Variants in TACC2 observed in about 807,000 individuals in gnomAD.
The protein encoded by TACC2 is transforming acidic coiled-coil containing protein 2.
Under a neutral mutation model 227.3 loss-of-function variants are expected in TACC2, and 137 were observed. The ratio of observed to expected loss-of-function variants is 0.60; its 90% CI spans 0.52 to 0.69. The LOEUF (loss-of-function observed/expected upper bound fraction) is 0.69, where lower values mean the gene tolerates loss of function less well. TACC2 is among the 30% of genes least tolerant of loss of function. The pLI is 0.00. For synonymous variants in TACC2, 1,523 were observed against 1,487.5 expected, an observed-to-expected ratio of 1.02 and a Z score of -0.55; for missense variants, 3,470 against 3,694.4, an observed-to-expected ratio of 0.94 and a Z score of 1.57.
chr10:122,085,424 C>A lies in TACC2; in HGVS notation c.2924C>A (p.Ala975Glu). ...GATGTCTTAAAAGACTTTTCTCTTG[C>A]AGGGAACTTCAGCAGAAAGGAAACT... is the stretch of plus-strand genomic sequence containing the variant. ...AADVLKDFSLAGNFSRKETCC... is the reference protein window; with the variant it reads ...AADVLKDFSLEGNFSRKETCC... The change falls in exon 4 of 23, where the codon GCA (alanine) becomes GAA (glutamate). Residue 975 changes from alanine to glutamate, a missense_variant. This residue lies in a region of TACC2 where 1,924 missense variants were observed against 1,978.3 expected (regional missense o/e 0.97). Transcript: ENST00000369005. 1 of 1,613,868 alleles carries A rather than the reference C, an allele frequency of 6.2e-7. No individual in the cohort carries two copies. Among genetic ancestry groups the A allele is most frequent in the Non-Finnish European group, 8.5e-7 (1 of 1,180,052 alleles).
At chr10:121,992,547 G>C (rs1043002198) in intron 1 of TACC2, among the ~76,000 whole-genome samples, 27 of 152,210 alleles carry the variant, frequency 1.8e-4, no homozygotes, top group African/African-American at 6.0e-4. Context: ...ACATCATCAT[G>C]ATTAAGTCAT....
intron 7 of TACC2, chr10:122,163,773 C>T: frequency 8.2e-7 from 1 of 1,220,410 alleles, no homozygotes; most frequent in Non-Finnish European, 1.0e-6. Context: ...CTCCCTGCCG[C>T]CGCTCCCGCC....
intron 7 of TACC2, among the ~76,000 whole-genome samples, chr10:122,189,452 T>C (rs541789431): frequency 6.6e-6 from 1 of 152,174 alleles, no homozygotes; most frequent in Non-Finnish European, 1.5e-5. Context: ...ACCAGGGCTT[T>C]TGTCCAGAGC....
intron 8 of TACC2, among the ~76,000 whole-genome samples, chr10:122,207,453 C>G (rs1179201496): frequency 2.6e-5 from 4 of 152,156 alleles, no homozygotes; most frequent in Non-Finnish European, 5.9e-5. Flanking sequence ...TTTGCCCCCA[C>G]AAGGGTACAT....
intron 3 of TACC2, among the ~76,000 whole-genome samples, chr10:122,065,607 A>G (rs920479281): frequency 6.6e-6 from 1 of 152,196 alleles, no homozygotes; most frequent in Non-Finnish European, 1.5e-5. Context: ...TGGTGTTAAA[A>G]AAGTGTTAAT....
At chr10:122,230,537 C>A in intron 16 of TACC2, 97 bp downstream of exon 16, 1 of 1,100,584 alleles carries the variant, frequency 9.1e-7, no homozygotes, top group Non-Finnish European at 1.4e-6. Flanking sequence ...AGGCGGGCAT[C>A]ATCGGTGTCC....
intron 9 of TACC2, chr10:122,213,316 T>C: frequency 6.2e-7 from 1 of 1,608,994 alleles, no homozygotes; most frequent in Non-Finnish European, 8.5e-7. Flanking sequence ...TGTCTGTCTC[T>C]CTTTTTCTTT....
chr10:122,114,773 T>C (rs1186659989), intron 5 of TACC2, among the ~76,000 whole-genome samples: 3 of 152,234 alleles, frequency 2.0e-5, no homozygotes, highest in Non-Finnish European at 2.9e-5. Context: ...ACCGGTGTTA[T>C]GGAACTGCCT....
intron 1 of TACC2, among the ~76,000 whole-genome samples, chr10:122,021,193 C>T (rs11200340): frequency 0.15 from 22,156 of 150,262 alleles, 1,869 homozygotes; most frequent in African/African-American, 0.23. Context: ...CGTGCCACTG[C>T]ACTCTAGCCT....
chr10:122,139,825 G>T (rs918164995), intron 6 of TACC2, among the ~76,000 whole-genome samples: 3 of 152,212 alleles, frequency 2.0e-5, no homozygotes, highest in Non-Finnish European at 4.4e-5. Flanking sequence ...GGACTGATGT[G>T]TTTGGCCTGC....
chr10:122,241,592 A>ATT (rs5788538), intron 18 of TACC2: 162 of 267,518 alleles, frequency 6.1e-4, no homozygotes, highest in Middle Eastern at 2.5e-3. Flanking sequence ...TGCCTTATTA[A>ATT]TTTTTTTTTC....
chr10:122,238,943 G>T (rs916162252), intron 18 of TACC2, among the ~76,000 whole-genome samples: 1 of 152,116 alleles, frequency 6.6e-6, no homozygotes, highest in Non-Finnish European at 1.5e-5. Flanking sequence ...GTGGTATGTT[G>T]TAATAGAAAT....
chr10:122,022,704 G>A (rs1178090642), intron 2 of TACC2: 1 of 110,070 alleles, frequency 9.1e-6, no homozygotes, highest in Non-Finnish European at 1.8e-5. Context: ...CCCAAATAAA[G>A]CTATGGCCAT....
At chr10:122,109,202 A>G (rs1422865635) in intron 5 of TACC2, among the ~76,000 whole-genome samples, 2 of 152,148 alleles carry the variant, frequency 1.3e-5, no homozygotes, top group African/African-American at 2.4e-5. Flanking sequence ...ATCGAATGGT[A>G]GATCTTCTTT....
At chr10:121,995,334 G>C (rs1411458413) in intron 1 of TACC2, among the ~76,000 whole-genome samples, 1 of 152,182 alleles carries the variant, frequency 6.6e-6, no homozygotes, top group African/African-American at 2.4e-5. Flanking sequence ...AGAATTCTAA[G>C]CCTCATGAGA....
chr10:122,187,205 G>A (rs7920029), intron 7 of TACC2, among the ~76,000 whole-genome samples: 57,270 of 152,106 alleles, frequency 0.38, 11,788 homozygotes, highest in Middle Eastern at 0.51. Flanking sequence ...CACCCACATG[G>A]GCACAGTGCC....
chr10:122,061,035 C>G (rs967291199), intron 3 of TACC2, among the ~76,000 whole-genome samples: 3 of 143,244 alleles, frequency 2.1e-5, no homozygotes, highest in African/African-American at 8.0e-5. Context: ...GGGGGCCAGG[C>G]ACGGTGGCTC....
chr10:122,236,664 G>C (rs145547646), intron 16 of TACC2, among the ~76,000 whole-genome samples: 34 of 152,338 alleles, frequency 2.2e-4, no homozygotes, highest in Non-Finnish European at 4.1e-4. Context: ...ACATCAGTTG[G>C]GTGGGTTGGG....
At chr10:122,012,290 C>T (rs1036969215) in intron 1 of TACC2, among the ~76,000 whole-genome samples, 4 of 151,560 alleles carry the variant, frequency 2.6e-5, no homozygotes, top group African/African-American at 9.7e-5. Flanking sequence ...TGTGGTGGCA[C>T]ATGCCTGTAA....
Sources: gnomAD v4.1 joint callset for allele counts (sites outside exome capture counted in the v4.1 genomes callset) on GRCh38, gnomAD v4.1.1 for gene constraint, gnomAD v4.1.1 regional missense constraint, MANE v1.5 for transcripts, NCBI Gene and HGNC (gene_info 2026-07-23, HGNC 2026-07-21) for gene names.